The following ZNF805 variants were observed in gnomAD, a reference collection of about 807,000 sequenced individuals.
ZNF805 encodes zinc finger protein 805.
A neutral mutation model predicts 13.6 loss-of-function variants in ZNF805; 7 were observed. The ratio of observed to expected loss-of-function variants is 0.51; its 90% CI spans 0.29 to 0.97. ZNF805 has a LOEUF of 0.97. Among genes scored for constraint, ZNF805 ranks in the 50% least tolerant of loss-of-function variants. The pLI is 0.08. For synonymous variants in ZNF805, 293 were observed against 279.8 expected, an observed-to-expected ratio of 1.05 and a Z score of -0.47; for missense variants, 604 against 771.0, an observed-to-expected ratio of 0.78 and a Z score of 2.57.
In ZNF805 at chr19:57,257,847, C is replaced by T. The variant is rs894731563; in HGVS notation, c.*3144C>T. Among the ~76,000 whole-genome samples the T allele has an allele frequency of 1.3e-5, 2 of 151,514 alleles. No individual in the cohort carries two copies. Among genetic ancestry groups the T allele is most frequent in the Non-Finnish European group, 2.9e-5 (2 of 67,918 alleles). The stretch of plus-strand genomic sequence containing the variant: ...TCAGGCTCTTGAGTAGCTGGGATTA[C>T]AGGCATCCGCCACCATGCCTGACTG... On this transcript the variant is annotated 3_prime_UTR_variant, in exon 4 of 4. Transcript: ENST00000414468.
In ZNF805 at chr19:57,260,651, T is replaced by C. The variant is rs1460905343; in HGVS notation, c.*5948T>C. Among the ~76,000 whole-genome samples, 2 of 152,242 alleles carry C rather than the reference T, an allele frequency of 1.3e-5. No homozygotes were observed. The highest frequency in any genetic ancestry group is 2.9e-5 in the Non-Finnish European group (2 of 68,042). The stretch of plus-strand genomic sequence containing the variant: ...ATCATGATCATTGCTGTTTTCTAAC[T>C]TGTCCTTCACCCCATGACTGAGTTA... On this transcript the variant is annotated 3_prime_UTR_variant, in exon 4 of 4. Transcript: ENST00000414468.
In ZNF805 at chr19:57,253,804, G is replaced by A; in HGVS notation, c.985G>A (p.Gly329Ser). 1 of 1,614,004 alleles carries A rather than the reference G, an allele frequency of 6.2e-7. No homozygotes were observed. Among genetic ancestry groups the A allele is most frequent in the East Asian group, 2.2e-5 (1 of 44,844 alleles). ...TGGCAAAGCCTTTCGAGATAGGCCAGGTTTCATTCGACACTACATCATCCA... is the reference window on the plus strand; with the variant it reads ...TGGCAAAGCCTTTCGAGATAGGCCAAGTTTCATTCGACACTACATCATCCA... ...ECGKAFRDRP[G>S]FIRHYIIHSG... Residue 329 changes from glycine to serine, a missense_variant, in exon 4 of 4, where the codon GGT becomes AGT. Transcript: ENST00000414468. The surrounding 1 kb of genome is among the most constrained non-coding windows in gnomAD (Gnocchi z 4.4).
At chr19:57,250,093 G>A (rs1336984656) in intron 3 of ZNF805, among the ~76,000 whole-genome samples, 1 of 152,196 alleles carries the variant, frequency 6.6e-6, no homozygotes, top group Non-Finnish European at 1.5e-5. Context: ...GCAGATTAGG[G>A]GACTGGCCCC....
chr19:57,240,746 A>G lies in ZNF805; in HGVS notation c.-146A>G. ...CAGCGACCTCCGCGTCTCGGAGCGA[A>G]CCGTGAGCCTCCCCGTAACGAGAGA... On this transcript the variant is annotated 5_prime_UTR_variant, in exon 1 of 4. Coordinates refer to ENST00000414468, the MANE Select transcript of ZNF805 (RefSeq NM_001023563.4). The G allele has an allele frequency of 1.4e-6, 1 of 718,698 alleles. No homozygotes were observed. The highest frequency in any genetic ancestry group is 2.2e-5 in the South Asian group (1 of 46,020). 44.5% of individuals were successfully genotyped at this position (718,698 alleles called of 1,614,324 possible).
rs774529596 is a variant in ZNF805, at chr19:57,259,392, C to T, written c.*4689C>T. 1.3e-5 allele frequency among the ~76,000 whole-genome samples: 2 copies of T among 151,668 alleles called. No homozygotes were observed. Among genetic ancestry groups the T allele is most frequent in the Non-Finnish European group, 2.9e-5 (2 of 67,946 alleles). ...TGGTTAATTTCTGTTGACTTTTTTT[C>T]AGCTCACTGATTCTTTTTTTCTGCC... On this transcript the variant is annotated 3_prime_UTR_variant, in exon 4 of 4. Coordinates refer to ENST00000414468, the MANE Select transcript of ZNF805 (RefSeq NM_001023563.4).
chr19:57,243,783 C>T (rs2087594088), intron 1 of ZNF805, 140 bp from the exon 2 acceptor site: 5 of 1,173,810 alleles, frequency 4.3e-6, no homozygotes, highest in Non-Finnish European at 6.1e-6. Context: ...GCAATGTCTG[C>T]CTTCCTCCTT....
rs1656005603 is a variant in ZNF805, at chr19:57,261,252, CACTCTT to C, written c.*6550_*6555del. The stretch of plus-strand genomic sequence containing the variant: ...TCAAGCAAATGAGATAAACCAGACT[CACTCTT>C]TAATGCCTGCATAAGCTATTGTGAC... On this transcript the variant is annotated 3_prime_UTR_variant, in exon 4 of 4. Coordinates refer to ENST00000414468, the MANE Select transcript of ZNF805 (RefSeq NM_001023563.4). The C allele has an allele frequency of 6.0e-6, 1 of 166,986 alleles. No individual in the cohort carries two copies. Among genetic ancestry groups the C allele is most frequent in the Non-Finnish European group, 1.5e-5 (1 of 68,124 alleles). 10.3% of individuals were successfully genotyped at this position (166,986 alleles called of 1,614,324 possible). A position where few individuals can be genotyped will look rare whatever the true frequency, so the allele number is the denominator to read the frequency against.
At position 57,255,253 on chromosome 19, in the gene ZNF805, C is replaced by A. The variant is rs2087680884; in HGVS notation, c.*550C>A. ...TTCTTGATTCCCATCTGTTGGTTTA[C>A]TTGATTGCTATAGCTGTATGGTAAA... On this transcript the variant is annotated 3_prime_UTR_variant, in exon 4 of 4. Coordinates refer to ENST00000414468, the MANE Select transcript of ZNF805 (RefSeq NM_001023563.4). 1 of 166,896 alleles carries A rather than the reference C, an allele frequency of 6.0e-6. No homozygotes were observed. The highest frequency in any genetic ancestry group is 2.4e-5 in the African/African-American group (1 of 41,388). 10.3% of individuals were successfully genotyped at this position (166,896 alleles called of 1,614,324 possible). A position where few individuals can be genotyped will look rare whatever the true frequency, so the allele number is the denominator to read the frequency against.
intron 2 of ZNF805, among the ~76,000 whole-genome samples, chr19:57,246,020 C>A (rs2087616259): frequency 6.6e-6 from 1 of 152,220 alleles, no homozygotes; most frequent in African/African-American, 2.4e-5. Flanking sequence ...TCTTTTATTT[C>A]TTCTCGTCTT....
At chr19:57,242,917 A>G (rs2087588418) in intron 1 of ZNF805, among the ~76,000 whole-genome samples, 1 of 152,206 alleles carries the variant, frequency 6.6e-6, no homozygotes, top group Non-Finnish European at 1.5e-5. Context: ...TATATAAATC[A>G]TGCTTATAAC....
intron 1 of ZNF805, among the ~76,000 whole-genome samples, chr19:57,242,662 G>C (rs1033003762): frequency 2.0e-5 from 3 of 152,224 alleles, no homozygotes; most frequent in Admixed American, 6.5e-5. Flanking sequence ...GGGTCCAGGG[G>C]AGAGGATGAG....
In ZNF805 at chr19:57,246,317, G is replaced by A. The variant is rs144865295; in HGVS notation, c.157+2268G>A. The stretch of plus-strand genomic sequence containing the variant: ...GCCTCCTGAGTAGCTAGGATTACAG[G>A]CAGGTGCCACCACGCCCAGCTAATT... On this transcript the variant is annotated intron_variant, in intron 2 of 3. Coordinates refer to ENST00000414468, the MANE Select transcript of ZNF805 (RefSeq NM_001023563.4). 6.3e-3 allele frequency among the ~76,000 whole-genome samples: 964 copies of A among 152,296 alleles called. 8 individuals carry two copies. Among genetic ancestry groups the A allele is most frequent in the Non-Finnish European group, 0.01 (686 of 68,024 alleles).
chr19:57,254,796 C>G lies in ZNF805; in HGVS notation c.*93C>G. 7.6e-7 allele frequency: 1 copy of G among 1,312,456 alleles called. No individual in the cohort carries two copies. Among genetic ancestry groups the G allele is most frequent in the African/African-American group, 1.5e-5 (1 of 66,962 alleles). The allele number at this position is 1,312,456 out of a possible 1,614,324, so 81.3% of individuals were successfully genotyped here. On this transcript the variant is annotated 3_prime_UTR_variant, in exon 4 of 4. Coordinates refer to ENST00000414468, the MANE Select transcript of ZNF805 (RefSeq NM_001023563.4). Reference sequence around the variant, plus strand: ...AGCCTTATTCTCCATCCGAATTCATCCTGGAAAAACACCCAGTGGTTATTA... The same window carrying G: ...AGCCTTATTCTCCATCCGAATTCATGCTGGAAAAACACCCAGTGGTTATTA...
At chr19:57,248,080 G>A (rs961456815) in intron 2 of ZNF805, among the ~76,000 whole-genome samples, 4 of 152,126 alleles carry the variant, frequency 2.6e-5, no homozygotes, top group Non-Finnish European at 2.9e-5. Flanking sequence ...ATGATGGCAC[G>A]CGCCTTTAGT....
intron 2 of ZNF805, among the ~76,000 whole-genome samples, 191 bp from the exon 3 acceptor site, chr19:57,248,414 G>A (rs965745366): frequency 6.6e-6 from 1 of 152,152 alleles, no homozygotes; most frequent in Admixed American, 6.5e-5. Flanking sequence ...TTACTATTAG[G>A]AGTAGAGATT....
At chr19:57,244,173 T>C (rs1388625053) in intron 2 of ZNF805, 124 bp downstream of exon 2, 4 of 1,141,768 alleles carry the variant, frequency 3.5e-6, no homozygotes, top group Non-Finnish European at 4.8e-6. Flanking sequence ...ACAAATTCAG[T>C]CATTTTCTAC....
At chr19:57,245,652 G>T (rs534297289) in intron 2 of ZNF805, among the ~76,000 whole-genome samples, 93 of 150,776 alleles carry the variant, frequency 6.2e-4, no homozygotes, top group African/African-American at 1.9e-3. Flanking sequence ...GGTGGCGGGT[G>T]CCTGTAGTCC....
At chr19:57,240,969 A>G in intron 1 of ZNF805, 48 bp downstream of exon 1, 1 of 1,548,796 alleles carries the variant, frequency 6.5e-7, no homozygotes, top group Non-Finnish European at 8.7e-7. Flanking sequence ...TAGTTCGGGG[A>G]AGCCTCCTGG....
Position 57,261,797 on chromosome 19 carries a change from A to G in ZNF805, c.*7094A>G, listed in dbSNP as rs1309617755. On this transcript the variant is annotated 3_prime_UTR_variant, in exon 4 of 4. Coordinates refer to ENST00000414468, the MANE Select transcript of ZNF805 (RefSeq NM_001023563.4). ...AGGACTCAGCATTTTGTCATACTCA[A>G]TGGCTATGATTTACCACACCGAAAG... 1.2e-5 allele frequency: 2 copies of G among 167,020 alleles called. No homozygotes were observed. The highest frequency in any genetic ancestry group is 2.9e-5 in the Non-Finnish European group (2 of 68,098). 10.3% of individuals were successfully genotyped at this position (167,020 alleles called of 1,614,324 possible).
Sources: gnomAD v4.1 joint callset for allele counts (sites outside exome capture counted in the v4.1 genomes callset) on GRCh38, gnomAD v4.1.1 for gene constraint, Gnocchi (gnomAD v3.1) non-coding constraint, MANE v1.5 for transcripts, NCBI Gene and HGNC (gene_info 2026-07-23, HGNC 2026-07-21) for gene names.